NTRK2: variants seen among roughly 807,000 people sequenced by gnomAD.
The protein encoded by NTRK2 is neurotrophic receptor tyrosine kinase 2, also known as BDNF/NT-3 growth factors receptor.
NTRK2 carries 13 observed loss-of-function variants against 94.5 expected under a neutral mutation model. That is an observed-to-expected ratio of 0.14 (90% CI 0.09 to 0.22). NTRK2 has a LOEUF of 0.22. Among genes scored for constraint, NTRK2 ranks in the 10% least tolerant of loss-of-function variants. NTRK2 has a pLI of 1.00. For missense variants in NTRK2, 639 were observed against 1,071.2 expected (o/e 0.60, Z 5.63); for synonymous variants, 372 against 407.4 (o/e 0.91, Z 1.05).
At chr9:84,679,063 T>C (rs1292130974) in intron 2 of NTRK2, among the ~76,000 whole-genome samples, 2 of 152,186 alleles carry the variant, frequency 1.3e-5, no homozygotes, top group African/African-American at 2.4e-5. Flanking sequence ...AGGACACACA[T>C]AGAAGGTGCC....
chr9:84,816,584 G>C (rs927944624), intron 12 of NTRK2, among the ~76,000 whole-genome samples: 5 of 151,894 alleles, frequency 3.3e-5, no homozygotes, highest in Non-Finnish European at 7.4e-5. Context: ...TTCAAGACCA[G>C]CCTGGCCAAT....
chr9:84,825,956 G>A (rs777863623), intron 12 of NTRK2, among the ~76,000 whole-genome samples: 3 of 152,188 alleles, frequency 2.0e-5, no homozygotes, highest in East Asian at 1.9e-4. Flanking sequence ...AAGCTATGTG[G>A]GACCTCATAG....
At chr9:84,931,176 G>T (rs995808530) in intron 14 of NTRK2, among the ~76,000 whole-genome samples, 2 of 152,294 alleles carry the variant, frequency 1.3e-5, no homozygotes, top group South Asian at 2.1e-4. Context: ...GGAGGCCAAG[G>T]TGGGTGGATC....
At position 84,710,661 on chromosome 9, in the gene NTRK2, A is replaced by G. The variant is rs371381061; in HGVS notation, c.453A>G (p.Thr151=). ...SELILVGNPF[T]CSCDIMWIKT... is the part of the protein sequence containing the mutation. ...GGATCCTGGTGGGCAATCCATTTACATGCTCCTGTGACATTATGTGGATCA... is the reference window on the plus strand; with the variant it reads ...GGATCCTGGTGGGCAATCCATTTACGTGCTCCTGTGACATTATGTGGATCA... The change falls in exon 6 of 19, where the codon ACA becomes ACG. Residue 151 remains threonine (T), a synonymous_variant. Coordinates refer to ENST00000277120, the MANE Select transcript of NTRK2 (RefSeq NM_006180.6). The G allele has an allele frequency of 9.3e-6, 15 of 1,614,150 alleles. No homozygotes were observed. The African/African-American group carries it at 1.7e-4, about 19-fold the overall frequency.
At chr9:84,703,716 A>C (rs1185503277) in intron 4 of NTRK2, among the ~76,000 whole-genome samples, 1 of 152,226 alleles carries the variant, frequency 6.6e-6, no homozygotes, top group East Asian at 1.9e-4. Flanking sequence ...TGATGAAGTC[A>C]CTTTAAAAAT....
chr9:84,939,082 G>GA (rs907198496), intron 15 of NTRK2, among the ~76,000 whole-genome samples: 9 of 135,358 alleles, frequency 6.6e-5, no homozygotes, highest in South Asian at 2.4e-4. Context: ...GAAAAGAAAA[G>GA]AAAAAAAAAG....
intron 2 of NTRK2, among the ~76,000 whole-genome samples, chr9:84,691,386 A>ACT (rs3837282): frequency 0.74 from 112,821 of 151,554 alleles, 42,475 homozygotes; most frequent in East Asian, 0.94. Context: ...TAATTATAAC[A>ACT]GATACAACTC....
chr9:84,951,456 G>A (rs1327115230), intron 16 of NTRK2, among the ~76,000 whole-genome samples: 3 of 152,144 alleles, frequency 2.0e-5, no homozygotes, highest in South Asian at 4.1e-4. Context: ...TGGTGCTTTC[G>A]AAAATCTGTA....
intron 17 of NTRK2, among the ~76,000 whole-genome samples, chr9:84,996,603 A>G (rs1829779664): frequency 6.6e-6 from 1 of 152,220 alleles, no homozygotes; most frequent in African/African-American, 2.4e-5. Flanking sequence ...GTTCCAGGAG[A>G]TACCAGTGAT....
rs2118133118 is a variant in NTRK2, at chr9:85,026,228, A to G, written c.*4791A>G. The G allele has an allele frequency of 4.3e-6, 1 of 230,634 alleles. No homozygotes were observed. The highest frequency in any genetic ancestry group is 1.8e-4 in the South Asian group (1 of 5,500). The allele number at this position is 230,634 out of a possible 1,614,324, so 14.3% of individuals were successfully genotyped here. A position where few individuals can be genotyped will look rare whatever the true frequency, so the allele number is the denominator to read the frequency against. On this transcript the variant is annotated 3_prime_UTR_variant, in exon 19 of 19. Coordinates refer to ENST00000277120, the MANE Select transcript of NTRK2 (RefSeq NM_006180.6). The stretch of plus-strand genomic sequence containing the variant: ...CACCAAGCAACTATTTTGCCATCTT[A>G]ACATACATCTCAGGAGACGAAATGA...
chr9:84,805,707 G>A (rs944172752), intron 12 of NTRK2, among the ~76,000 whole-genome samples: 2 of 152,208 alleles, frequency 1.3e-5, no homozygotes, highest in Admixed American at 1.3e-4. Flanking sequence ...AGAGAGTTGA[G>A]GCCTTTAAGA....
At chr9:84,951,086 G>A (rs758867809) in intron 16 of NTRK2, among the ~76,000 whole-genome samples, 6 of 152,152 alleles carry the variant, frequency 3.9e-5, no homozygotes, top group Non-Finnish European at 8.8e-5. Flanking sequence ...TCACATGGCT[G>A]GTGCCGTCTG....
intron 14 of NTRK2, chr9:84,877,501 C>A: frequency 9.4e-7 from 1 of 1,066,404 alleles, no homozygotes; most frequent in Non-Finnish European, 1.1e-6. Context: ...CTGTGATTCT[C>A]TCTGTAAGCT....
intron 14 of NTRK2, among the ~76,000 whole-genome samples, chr9:84,919,434 A>C (rs2077494846): frequency 6.6e-6 from 1 of 152,188 alleles, no homozygotes; most frequent in South Asian, 2.1e-4. Flanking sequence ...TCTTGTGTAC[A>C]GAATATTGAA....
At chr9:84,739,154 G>A (rs375168267) in intron 9 of NTRK2, among the ~76,000 whole-genome samples, 8 of 152,146 alleles carry the variant, frequency 5.3e-5, no homozygotes, top group South Asian at 2.1e-4. Context: ...GAGTTCAAGC[G>A]ATTCTCGTGC....
chr9:84,719,778 G>T lies in NTRK2; in HGVS notation c.584-3795G>T, dbSNP rs12339046. 6.6e-3 allele frequency among the ~76,000 whole-genome samples: 1,007 copies of T among 152,144 alleles called. 12 individuals are homozygous for T. Among genetic ancestry groups the T allele is most frequent in the African/African-American group, 0.023 (965 of 41,484 alleles). On this transcript the variant is annotated intron_variant, in intron 6 of 18. Transcript: ENST00000277120. ...TCATACCTATAATCCTAGCACTTTGGGAGGCTGAGGCGGGTCGAGTGCCTG... is the reference window on the plus strand; with the variant it reads ...TCATACCTATAATCCTAGCACTTTGTGAGGCTGAGGCGGGTCGAGTGCCTG...
intron 2 of NTRK2, among the ~76,000 whole-genome samples, chr9:84,681,584 A>C (rs1255843719): frequency 1.3e-5 from 2 of 152,134 alleles, no homozygotes; most frequent in Non-Finnish European, 2.9e-5. Context: ...GGGAACAAAC[A>C]TCTAATAAGT....
At chr9:84,905,752 CTTAAA>C (rs1300253411) in intron 14 of NTRK2, among the ~76,000 whole-genome samples, 2 of 152,020 alleles carry the variant, frequency 1.3e-5, no homozygotes, top group African/African-American at 4.8e-5. Flanking sequence ...TGTACGCAGA[CTTAAA>C]TTAATATAGA....
intron 2 of NTRK2, among the ~76,000 whole-genome samples, chr9:84,694,564 G>A (rs1587997297): frequency 6.6e-6 from 1 of 152,152 alleles, no homozygotes; most frequent in East Asian, 1.9e-4. Context: ...CACCTGCTCA[G>A]GGACTGACTT....
Sources: gnomAD v4.1 joint callset for allele counts (sites outside exome capture counted in the v4.1 genomes callset) on GRCh38, gnomAD v4.1.1 for gene constraint, MANE v1.5 for transcripts, NCBI Gene and HGNC (gene_info 2026-07-23, HGNC 2026-07-21) for gene names.